PCDHGA1: variants seen among roughly 807,000 people sequenced by gnomAD.
PCDHGA1 encodes protocadherin gamma subfamily A, 1, also known as protocadherin gamma-A1.
In PCDHGA1, 32 loss-of-function variants were observed where a neutral mutation model predicts 58.0. The ratio of observed to expected loss-of-function variants is 0.55; its 90% confidence interval spans 0.42 to 0.74. PCDHGA1 has a LOEUF of 0.74. PCDHGA1 is among the 30% of genes least tolerant of loss of function. PCDHGA1 has a pLI of 0.00. For missense variants in PCDHGA1, 1,205 were observed against 1,182.3 expected (o/e 1.02, Z -0.28); for synonymous variants, 498 against 501.1 (o/e 0.99, Z 0.08).
At chr5:141,421,789 G>A (rs756677817) in intron 1 of PCDHGA1, 5 of 1,613,830 alleles carry the variant, frequency 3.1e-6, no homozygotes, top group East Asian at 2.2e-5. Context: ...GGGCAGAACG[G>A]ATGGGGCCAA....
rs777873138 is a variant in PCDHGA1, at chr5:141,365,973, T to C, written c.2421+32868T>C. The stretch of plus-strand genomic sequence containing the variant: ...CCTCCACTTAGCAGCAACGTGTCGC[T>C]GAGCCTGTTTGTGCTGGACCAGAAC... On this transcript the variant is annotated intron_variant, in intron 1 of 3. Coordinates refer to ENST00000517417, the MANE Select transcript of PCDHGA1 (RefSeq NM_018912.3). The C allele has an allele frequency of 4.3e-5, 70 of 1,614,126 alleles. No individual in the cohort carries two copies. In the Admixed American group the frequency reaches 1.1e-3, roughly 27 times the overall value.
intron 1 of PCDHGA1, chr5:141,377,280 A>G (rs1773849718): frequency 6.6e-6 from 1 of 151,152 alleles, no homozygotes; most frequent in Non-Finnish European, 1.5e-5. Context: ...GGGAAAAAAA[A>G]TAACCTTAAT....
intron 1 of PCDHGA1, among the ~76,000 whole-genome samples, chr5:141,420,845 G>A (rs1038454602): frequency 6.6e-6 from 1 of 152,200 alleles, no homozygotes; most frequent in African/African-American, 2.4e-5. Flanking sequence ...GGTGTTCTTG[G>A]TAAAGTTTTA....
chr5:141,375,766 G>T (rs754916018), intron 1 of PCDHGA1: 5 of 1,614,270 alleles, frequency 3.1e-6, no homozygotes, highest in Non-Finnish European at 4.2e-6. Flanking sequence ...ATGCGCCCGA[G>T]ATCCTGTACC....
chr5:141,357,466 G>C (rs1760618081), intron 1 of PCDHGA1: 3 of 1,614,062 alleles, frequency 1.9e-6, no homozygotes, highest in Admixed American at 3.3e-5. Flanking sequence ...CTATTCCCAC[G>C]AGGTCTCCCT....
At chr5:141,360,049 A>G (rs1330133031) in intron 1 of PCDHGA1, 2 of 1,434,672 alleles carry the variant, frequency 1.4e-6, no homozygotes, top group African/African-American at 2.9e-5. Flanking sequence ...CAGAAAACAA[A>G]AGCAGGAAAA....
rs750164473 is a variant in PCDHGA1 at position 141,432,286 on chromosome 5, C to G, written c.2422-62521C>G. Reference sequence around the variant, plus strand: ...TATCGTCCTACGTGTCCATCAACTCCGACACTGGGGTACTGTATGCGCTGA... The same window carrying G: ...TATCGTCCTACGTGTCCATCAACTCGGACACTGGGGTACTGTATGCGCTGA... On this transcript the variant is annotated intron_variant, in intron 1 of 3. Transcript: ENST00000517417. This position sits in a 1 kb window ranked among gnomAD's most constrained non-coding sequence, Gnocchi z 6.0. The G allele has an allele frequency of 6.2e-7, 1 of 1,614,252 alleles. No homozygotes were observed. The highest frequency in any genetic ancestry group is 1.3e-5 in the African/African-American group (1 of 75,070).
chr5:141,427,764 T>C (rs1239199764), intron 1 of PCDHGA1: 4 of 1,383,480 alleles, frequency 2.9e-6, no homozygotes, highest in Non-Finnish European at 4.1e-6. Context: ...TACCACTGAC[T>C]TGGAGCTGCG....
At chr5:141,426,621 C>G (rs984316174) in intron 1 of PCDHGA1, 1 of 392,280 alleles carries the variant, frequency 2.5e-6, no homozygotes, top group Non-Finnish European at 5.2e-6. Flanking sequence ...AGAGAATCCT[C>G]TAAATGTTTT....
intron 1 of PCDHGA1, chr5:141,427,703 C>T (rs529490424): frequency 1.0e-6 from 1 of 957,508 alleles, no homozygotes. Flanking sequence ...CACAAGTCAG[C>T]GCCTCTGACC....
intron 1 of PCDHGA1, chr5:141,403,191 G>A (rs368387997): frequency 1.1e-5 from 18 of 1,613,876 alleles, no homozygotes; most frequent in Non-Finnish European, 1.4e-5. Context: ...CTGAACCCGC[G>A]CAGCGGCACC....
At chr5:141,414,888 C>T (rs1452402953) in intron 1 of PCDHGA1, 2 of 1,614,210 alleles carry the variant, frequency 1.2e-6, no homozygotes, top group Non-Finnish European at 1.7e-6. Flanking sequence ...ACCCCGCCCT[C>T]CCCACAGACG....
At chr5:141,339,360 C>T in intron 1 of PCDHGA1, 1 of 1,614,084 alleles carries the variant, frequency 6.2e-7, no homozygotes, top group South Asian at 1.1e-5. Context: ...AACGATAATG[C>T]CCCTCGCTTT....
chr5:141,462,818 C>T (rs1280335120), intron 1 of PCDHGA1, among the ~76,000 whole-genome samples: 1 of 152,120 alleles, frequency 6.6e-6, no homozygotes, highest in East Asian at 1.9e-4. Flanking sequence ...TTTTATTGGA[C>T]AGCAGACATT....
intron 1 of PCDHGA1, among the ~76,000 whole-genome samples, chr5:141,407,339 T>C (rs958646781): frequency 3.3e-5 from 5 of 152,222 alleles, no homozygotes; most frequent in Non-Finnish European, 7.3e-5. Context: ...TTGAAATGTA[T>C]GTTAATTTGG....
Position 141,366,742 on chromosome 5 carries a change from G to A in PCDHGA1, c.2421+33637G>A, listed in dbSNP as rs762560261. ...AGGTAGATGCAAACAAAGAAGAACGGCGAGTTCAGGTTAGTTTTCTCTTTC... is the reference window on the plus strand; with the variant it reads ...AGGTAGATGCAAACAAAGAAGAACGACGAGTTCAGGTTAGTTTTCTCTTTC... On this transcript the variant is annotated intron_variant, in intron 1 of 3. Transcript: ENST00000517417. 3 of 1,611,864 alleles carry A rather than the reference G, an allele frequency of 1.9e-6. No homozygotes were observed. The East Asian group carries it at 6.7e-5, about 36-fold the overall frequency.
intron 1 of PCDHGA1, chr5:141,395,537 ATTGT>A (rs1179408656): frequency 3.7e-5 from 9 of 243,938 alleles, no homozygotes; most frequent in Admixed American, 8.6e-5. Context: ...TAATTTTGCT[ATTGT>A]TTGTGTGTGT....
At chr5:141,374,571 G>A in intron 1 of PCDHGA1, 1 of 1,613,670 alleles carries the variant, frequency 6.2e-7, no homozygotes, top group Non-Finnish European at 8.5e-7. Flanking sequence ...CCTGATGTGG[G>A]AATGAACTCC....
chr5:141,396,893 A>G (rs1441946913), intron 1 of PCDHGA1, among the ~76,000 whole-genome samples: 2 of 152,226 alleles, frequency 1.3e-5, no homozygotes, highest in Non-Finnish European at 1.5e-5. Flanking sequence ...AGGACAACAT[A>G]TTATTGGCAC....
Sources: allele counts gnomAD v4.1 joint callset (sites outside exome capture counted in the v4.1 genomes callset), GRCh38; gene constraint gnomAD v4.1.1; non-coding constraint Gnocchi (gnomAD v3.1); transcripts MANE v1.5; gene names NCBI Gene and HGNC (gene_info 2026-07-23, HGNC 2026-07-21).